The following KAZN variants were observed in gnomAD, a reference collection of about 807,000 sequenced individuals.
The protein encoded by KAZN is kazrin, periplakin interacting protein.
In KAZN, 40 loss-of-function variants were observed where a neutral mutation model predicts 87.4. The ratio of observed to expected loss-of-function variants is 0.46; its 90% CI spans 0.36 to 0.60. The LOEUF is 0.60. Among genes scored for constraint, KAZN ranks in the 20% least tolerant of loss-of-function variants. The pLI is 0.00. For synonymous variants in KAZN, 466 were observed against 458.3 expected (o/e 1.02, Z -0.22); for missense variants, 898 against 1,073.9 (o/e 0.84, Z 2.29).
chr1:14,990,156 G>A (rs985102061), intron 2 of KAZN, among the ~76,000 whole-genome samples: 1 of 152,210 alleles, frequency 6.6e-6, no homozygotes, highest in African/African-American at 2.4e-5. Context: ...CCAAAGGGAA[G>A]GGATCAGCAA....
chr1:15,058,790 G>A (rs1000068144), intron 5 of KAZN, among the ~76,000 whole-genome samples: 4 of 152,160 alleles, frequency 2.6e-5, no homozygotes, highest in African/African-American at 7.2e-5. Flanking sequence ...GGAGGCTGAG[G>A]TGGACAGATC....
chr1:14,358,277 A>AT (rs1659206615), intron 2 of KAZN, among the ~76,000 whole-genome samples: 1 of 149,564 alleles, frequency 6.7e-6, no homozygotes, highest in East Asian at 2.0e-4. Flanking sequence ...CCCCTGTTTC[A>AT]TTTCTTATTG....
In KAZN at chr1:14,949,147, C is replaced by T. The variant is rs1006904519; in HGVS notation, c.227-11537C>T. On this transcript the variant is annotated intron_variant, in intron 1 of 14. Transcript: ENST00000376030. The surrounding 1 kb of genome is among the most constrained non-coding windows in gnomAD (Gnocchi z 4.3). ...CAGCCTGGGCAACAGAGTGAGACTCCGACTCAAAAATAATAATAATAATAA... is the reference window on the plus strand; with the variant it reads ...CAGCCTGGGCAACAGAGTGAGACTCTGACTCAAAAATAATAATAATAATAA... Among the ~76,000 whole-genome samples the T allele has an allele frequency of 4.1e-5, 5 of 121,908 alleles. No individual in the cohort carries two copies. Among genetic ancestry groups the T allele is most frequent in the South Asian group, 5.4e-4 (2 of 3,724 alleles). 80.0% of individuals were successfully genotyped at this position (121,908 alleles called of 152,430 possible).
chr1:14,520,917 G>C (rs1671551778), intron 2 of KAZN, among the ~76,000 whole-genome samples: 1 of 152,188 alleles, frequency 6.6e-6, no homozygotes, highest in Non-Finnish European at 1.5e-5. Context: ...CCATTCCCTG[G>C]GCAGGGCAGG....
chr1:13,925,244 C>T (rs778913222), intron 1 of KAZN, among the ~76,000 whole-genome samples: 7 of 152,200 alleles, frequency 4.6e-5, no homozygotes, highest in South Asian at 2.1e-4. Context: ...AGATACAATC[C>T]GTGTTCCTGC....
rs142585805 is a variant in KAZN, at chr1:13,931,815, A to G, written c.91+38059A>G. On this transcript the variant is annotated intron_variant, in intron 1 of 16. Coordinates refer to the KAZN transcript ENST00000636203. ...TTTTCTGATTCATAAATGTATTTAT[A>G]TAAGACACCTTACAAAGGTGTATAG... Among the ~76,000 whole-genome samples, 171 of 152,326 alleles carry G rather than the reference A, an allele frequency of 1.1e-3. 2 individuals are homozygous for G. Among genetic ancestry groups the G allele is most frequent in the African/African-American group, 3.7e-3 (153 of 41,580 alleles).
At chr1:14,259,070 T>G (rs1650805636) in intron 2 of KAZN, among the ~76,000 whole-genome samples, 1 of 151,916 alleles carries the variant, frequency 6.6e-6, no homozygotes, top group Non-Finnish European at 1.5e-5. Flanking sequence ...GCGGGACAGA[T>G]GAACAAAGGC....
chr1:15,094,773 C>A lies in KAZN; in HGVS notation c.1429-42C>A. The A allele has an allele frequency of 6.9e-7, 1 of 1,445,546 alleles. No homozygotes were observed. Among genetic ancestry groups the A allele is most frequent in the Non-Finnish European group, 9.5e-7 (1 of 1,055,516 alleles). 89.5% of individuals were successfully genotyped at this position (1,445,546 alleles called of 1,614,324 possible). On this transcript the variant is annotated intron_variant, in intron 9 of 14. Transcript: ENST00000376030. This position sits in a 1 kb window ranked among gnomAD's most constrained non-coding sequence, Gnocchi z 4.5. ...CCCTCTAGGGCAGGAACCCCGCCGG[C>A]AGCTGTCCCAGCCCCCATATGACAC... is the stretch of plus-strand genomic sequence containing the variant.
chr1:14,683,593 G>A (rs143405414), intron 1 of KAZN, among the ~76,000 whole-genome samples: 82 of 152,298 alleles, frequency 5.4e-4, no homozygotes, highest in African/African-American at 1.7e-3. Flanking sequence ...TGCACATTGC[G>A]TGTCACTTAT....
intron 1 of KAZN, among the ~76,000 whole-genome samples, chr1:13,971,396 G>C (rs1285004696): frequency 1.3e-5 from 2 of 152,112 alleles, no homozygotes; most frequent in Non-Finnish European, 2.9e-5. Flanking sequence ...ACAGCTCAAC[G>C]GGCATTGAAT....
chr1:14,499,850 G>A (rs1238678365), intron 2 of KAZN, among the ~76,000 whole-genome samples: 1 of 152,114 alleles, frequency 6.6e-6, no homozygotes, highest in Admixed American at 6.5e-5. Context: ...TTAGCGGTGT[G>A]CTCACATCTC....
intron 2 of KAZN, among the ~76,000 whole-genome samples, chr1:14,231,030 T>A (rs774244508): frequency 6.6e-6 from 1 of 152,120 alleles, no homozygotes; most frequent in Non-Finnish European, 1.5e-5. Flanking sequence ...AATGAATGAG[T>A]GTATTTGAAG....
At chr1:14,089,730 C>T (rs1020006983) in intron 1 of KAZN, among the ~76,000 whole-genome samples, 24 of 152,160 alleles carry the variant, frequency 1.6e-4, no homozygotes, top group Non-Finnish European at 8.8e-5. Flanking sequence ...TTCTGGTGCT[C>T]TTTTATTCCG....
chr1:15,025,802 G>C (rs903562239), intron 2 of KAZN, among the ~76,000 whole-genome samples: 1 of 152,152 alleles, frequency 6.6e-6, no homozygotes, highest in Non-Finnish European at 1.5e-5. Flanking sequence ...ACTTCACCTC[G>C]TGGTGAGAAG....
intron 2 of KAZN, among the ~76,000 whole-genome samples, chr1:14,432,714 C>T (rs758967477): frequency 3.3e-5 from 5 of 152,076 alleles, no homozygotes; most frequent in Non-Finnish European, 7.4e-5. Context: ...AATGTTCTCT[C>T]TCCCCTTTCC....
At chr1:14,513,808 T>G (rs939287237) in intron 2 of KAZN, among the ~76,000 whole-genome samples, 3 of 152,148 alleles carry the variant, frequency 2.0e-5, no homozygotes, top group African/African-American at 7.2e-5. Context: ...TGGTAATGGT[T>G]TGTCATTTAA....
Position 14,299,345 on chromosome 1 carries a change from A to G in KAZN, c.249+118753A>G, listed in dbSNP as rs146827646. Among the ~76,000 whole-genome samples, 663 of 152,208 alleles carry G rather than the reference A, an allele frequency of 4.4e-3. 5 individuals are homozygous for G. Among genetic ancestry groups the G allele is most frequent in the Admixed American group, 0.011 (161 of 15,298 alleles). ...TACTGAAACCCTGTCTCTACTAAAA[A>G]TACAAAAATTAGCCAGGCGTGTTGG... On this transcript the variant is annotated intron_variant, in intron 2 of 16. Transcript: ENST00000636203.
chr1:14,175,875 G>A (rs1646063085), intron 1 of KAZN, among the ~76,000 whole-genome samples: 1 of 152,122 alleles, frequency 6.6e-6, no homozygotes, highest in South Asian at 2.1e-4. Context: ...AGGAAAATGA[G>A]GCATAAATTG....
intron 1 of KAZN, among the ~76,000 whole-genome samples, chr1:14,877,695 A>ATG (rs1491136139): frequency 6.6e-6 from 1 of 152,130 alleles, no homozygotes; most frequent in Non-Finnish European, 1.5e-5. Flanking sequence ...CATCCATAAC[A>ATG]TGTGTGTAAT....
Sources: gnomAD v4.1 joint callset for allele counts (sites outside exome capture counted in the v4.1 genomes callset) on GRCh38, gnomAD v4.1.1 for gene constraint, Gnocchi (gnomAD v3.1) non-coding constraint, MANE v1.5 for transcripts, NCBI Gene and HGNC (gene_info 2026-07-23, HGNC 2026-07-21) for gene names.